DYNC1I1: variants seen among roughly 807,000 people sequenced by gnomAD.
DYNC1I1 encodes the protein dynein cytoplasmic 1 intermediate chain 1.
A neutral mutation model predicts 86.6 loss-of-function variants in DYNC1I1; 43 were observed. The observed-to-expected ratio is 0.50, with a 90% CI of 0.39 to 0.64. The LOEUF (loss-of-function observed/expected upper bound fraction) is 0.64, where lower values mean the gene tolerates loss of function less well. Among genes scored for constraint, DYNC1I1 ranks in the 30% least tolerant of loss-of-function variants. The probability of loss-of-function intolerance (pLI) is 0.00; values close to 1 mark genes in which losing one functional copy is unlikely to be tolerated. For synonymous variants in DYNC1I1, 262 were observed against 283.7 expected, an observed-to-expected ratio of 0.92 and a Z score of 0.77; for missense variants, 604 against 788.8, an observed-to-expected ratio of 0.77 and a Z score of 2.81.
chr7:95,867,226 T>G (rs2116152480), intron 5 of DYNC1I1, among the ~76,000 whole-genome samples: 1 of 152,314 alleles, frequency 6.6e-6, no homozygotes, highest in South Asian at 2.1e-4. Flanking sequence ...TGATTTTCTT[T>G]TACAAATATA....
At chr7:96,089,801 G>A (rs1790789183) in intron 16 of DYNC1I1, among the ~76,000 whole-genome samples, 2 of 152,044 alleles carry the variant, frequency 1.3e-5, no homozygotes, top group African/African-American at 2.4e-5. Context: ...TATTACCTTG[G>A]TAAATGTTTT....
chr7:96,091,836 A>G lies in DYNC1I1; in HGVS notation c.1777-5647A>G, dbSNP rs553545365. ...TTAACAGCATGTACAGCAGTTACAA[A>G]TCCTTACAACTTTAGGTAAAAATGA... On this transcript the variant is annotated intron_variant, in intron 16 of 16. Coordinates refer to ENST00000447467, the MANE Select transcript of DYNC1I1 (RefSeq NM_001135556.2). 2.0e-5 allele frequency among the ~76,000 whole-genome samples: 3 copies of G among 152,324 alleles called. No homozygotes were observed. The South Asian group carries it at 6.2e-4, about 32-fold the overall frequency.
rs375003365 is a variant in DYNC1I1, at chr7:95,783,155, C to T, written c.-10+10382C>T. Among the ~76,000 whole-genome samples the T allele has an allele frequency of 6.6e-5, 10 of 152,288 alleles. No individual in the cohort carries two copies. The East Asian group carries it at 1.7e-3, about 26-fold the overall frequency. ...AACCACCCTCTTCTACCCAGTATTT[C>T]CTTGCCTCCTGTCCATATCACTAAC... On this transcript the variant is annotated intron_variant, in intron 1 of 16. Transcript: ENST00000447467.
At chr7:95,892,076 T>C (rs1024814866) in intron 6 of DYNC1I1, among the ~76,000 whole-genome samples, 1 of 152,200 alleles carries the variant, frequency 6.6e-6, no homozygotes, top group Non-Finnish European at 1.5e-5. Context: ...TAAGTGATTC[T>C]TCTGCCTCAG....
At chr7:95,942,061 C>T (rs1322869051) in intron 6 of DYNC1I1, among the ~76,000 whole-genome samples, 1 of 152,050 alleles carries the variant, frequency 6.6e-6, no homozygotes, top group Admixed American at 6.5e-5. Context: ...AAAAACCCTT[C>T]AAAGAATTAA....
chr7:95,914,895 C>T (rs1284139026), intron 6 of DYNC1I1, among the ~76,000 whole-genome samples: 2 of 152,106 alleles, frequency 1.3e-5, no homozygotes, highest in Non-Finnish European at 2.9e-5. Context: ...GGAAACTGAG[C>T]AAATGAAATT....
At position 96,098,139 on chromosome 7, in the gene DYNC1I1, C is replaced by T; in HGVS notation, c.*546C>T. On this transcript the variant is annotated 3_prime_UTR_variant, in exon 17 of 17. Transcript: ENST00000447467. ...TTTGAAAGCATTAAAATAAATGATC[C>T]TAGAGCATGTGCATAATGAGAGGAC... is the stretch of plus-strand genomic sequence containing the variant. 1.0e-6 allele frequency: 1 copy of T among 986,078 alleles called. No individual in the cohort carries two copies. Among genetic ancestry groups the T allele is most frequent in the Non-Finnish European group, 1.2e-6 (1 of 830,126 alleles). The allele number at this position is 986,078 out of a possible 1,614,324, so 61.1% of individuals were successfully genotyped here. A position where few individuals can be genotyped will look rare whatever the true frequency, so the allele number is the denominator to read the frequency against.
At chr7:95,868,700 A>T (rs1790080351) in intron 5 of DYNC1I1, among the ~76,000 whole-genome samples, 1 of 152,192 alleles carries the variant, frequency 6.6e-6, no homozygotes, top group African/African-American at 2.4e-5. Flanking sequence ...TATGTTTGTA[A>T]ATTATGTACA....
At chr7:96,039,085 T>G (rs998579876) in intron 13 of DYNC1I1, among the ~76,000 whole-genome samples, 192 bp from the exon 14 acceptor site, 7 of 152,210 alleles carry the variant, frequency 4.6e-5, no homozygotes, top group Non-Finnish European at 1.0e-4. Flanking sequence ...TTTTAAATAA[T>G]GAAAAATAGG....
intron 12 of DYNC1I1, among the ~76,000 whole-genome samples, chr7:96,033,202 C>G (rs73708449): frequency 2.6e-4 from 39 of 152,294 alleles, no homozygotes; most frequent in African/African-American, 9.1e-4. Flanking sequence ...TTGCTTGTAT[C>G]CGTAGCCTAG....
intron 16 of DYNC1I1, among the ~76,000 whole-genome samples, chr7:96,105,596 A>T (rs1336557145): frequency 6.6e-6 from 1 of 152,176 alleles, no homozygotes; most frequent in Non-Finnish European, 1.5e-5. Flanking sequence ...GTTCCTTGTG[A>T]ATACTGATCT....
rs539990434 is a variant in DYNC1I1 at position 95,914,959 on chromosome 7, G to A, written c.490+44961G>A. ...CTTGTTTGCTTTTTAATTAAGATGA[G>A]ACTTTTGATTAAAGCAAAAATCTGG... On this transcript the variant is annotated intron_variant, in intron 6 of 16. Coordinates refer to ENST00000447467, the MANE Select transcript of DYNC1I1 (RefSeq NM_001135556.2). Among the ~76,000 whole-genome samples the A allele has an allele frequency of 7.9e-5, 12 of 152,250 alleles. No homozygotes were observed. The South Asian group carries it at 2.3e-3, about 29-fold the overall frequency.
chr7:95,948,380 T>C (rs1228482079), intron 6 of DYNC1I1, among the ~76,000 whole-genome samples: 2 of 152,052 alleles, frequency 1.3e-5, no homozygotes, highest in Admixed American at 1.3e-4. Flanking sequence ...TAGACAGGGG[T>C]TGTCCACATT....
chr7:95,932,421 G>T (rs1791922703), intron 6 of DYNC1I1, among the ~76,000 whole-genome samples: 1 of 152,126 alleles, frequency 6.6e-6, no homozygotes. Context: ...TATTCAGAAT[G>T]GACATTTTAT....
At chr7:96,101,840 G>A (rs1222274121), downstream of DYNC1I1, among the ~76,000 whole-genome samples, 1 of 152,136 alleles carries the variant, frequency 6.6e-6, no homozygotes, top group African/African-American at 2.4e-5. Flanking sequence ...TGCCAAGATA[G>A]CAAATACAAA....
At chr7:96,017,711 C>CTATTCA (rs1794437211) in intron 10 of DYNC1I1, among the ~76,000 whole-genome samples, 2 of 152,102 alleles carry the variant, frequency 1.3e-5, no homozygotes, top group African/African-American at 4.8e-5. Flanking sequence ...AATAGTGGCC[C>CTATTCA]TATTCACTTT....
intron 16 of DYNC1I1, among the ~76,000 whole-genome samples, chr7:96,086,456 A>G (rs42070): frequency 6.6e-6 from 1 of 152,014 alleles, no homozygotes; most frequent in Non-Finnish European, 1.5e-5. Context: ...TAAAATGGAA[A>G]CTTAAAAACC....
At chr7:95,825,601 A>G (rs1056089370) in intron 4 of DYNC1I1, among the ~76,000 whole-genome samples, 2 of 152,180 alleles carry the variant, frequency 1.3e-5, no homozygotes, top group African/African-American at 4.8e-5. Context: ...TCAGCAGAGA[A>G]TGAATTCAGA....
intron 6 of DYNC1I1, among the ~76,000 whole-genome samples, chr7:95,954,353 G>T (rs542163156): frequency 6.6e-6 from 1 of 151,652 alleles, no homozygotes; most frequent in Non-Finnish European, 1.5e-5. Flanking sequence ...CTCAGTTTAC[G>T]CTAGCCTCAC....
Sources: allele counts gnomAD v4.1 joint callset (sites outside exome capture counted in the v4.1 genomes callset), GRCh38; gene constraint gnomAD v4.1.1; transcripts MANE v1.5; gene names NCBI Gene and HGNC (gene_info 2026-07-23, HGNC 2026-07-21).